Variants in KLHL29 observed in about 807,000 individuals in gnomAD.
KLHL29 encodes the protein kelch-like protein 29.
KLHL29 carries 21 observed loss-of-function variants against 80.4 expected under a neutral mutation model. The observed-to-expected ratio is 0.26, with a 90% CI of 0.19 to 0.38. KLHL29 has a LOEUF of 0.38. Among genes scored for constraint, KLHL29 ranks in the 10% least tolerant of loss-of-function variants. KLHL29 has a pLI of 1.00. For synonymous variants in KLHL29, 511 were observed against 526.8 expected (o/e 0.97, Z 0.41); for missense variants, 867 against 1,223.9 (o/e 0.71, Z 4.35).
At chr2:23,672,474 G>A (rs1670793200) in intron 5 of KLHL29, 1 of 152,462 alleles carries the variant, frequency 6.6e-6, no homozygotes, top group Non-Finnish European at 1.5e-5. Context: ...CCCCTCATAT[G>A]TGTCTGGTTC....
intron 3 of KLHL29, among the ~76,000 whole-genome samples, chr2:23,567,059 G>C (rs909276262): frequency 2.6e-5 from 4 of 152,156 alleles, no homozygotes; most frequent in African/African-American, 9.7e-5. Context: ...GGCTGTAAAT[G>C]GTCAGGACCG....
intron 5 of KLHL29, among the ~76,000 whole-genome samples, chr2:23,679,986 G>C (rs1328249365): frequency 2.0e-5 from 3 of 152,230 alleles, no homozygotes; most frequent in Non-Finnish European, 2.9e-5. Context: ...GGGAGTGGAG[G>C]AGGAGCGGAG....
intron 2 of KLHL29, among the ~76,000 whole-genome samples, chr2:23,531,785 C>T (rs1008707846): frequency 1.3e-5 from 2 of 152,178 alleles, no homozygotes; most frequent in African/African-American, 2.4e-5. Flanking sequence ...TGAACATGTC[C>T]TTAAAGGAAA....
intron 3 of KLHL29, among the ~76,000 whole-genome samples, chr2:23,618,555 C>T (rs773230404): frequency 4.6e-5 from 7 of 152,220 alleles, no homozygotes; most frequent in South Asian, 2.1e-4. Flanking sequence ...GGAACTGAAA[C>T]ATCCGCTCTT....
chr2:23,661,657 A>G (rs1403089935), intron 5 of KLHL29, among the ~76,000 whole-genome samples: 2 of 152,246 alleles, frequency 1.3e-5, no homozygotes, highest in Admixed American at 1.3e-4. Flanking sequence ...GTGCCCCCAC[A>G]GTGCCCCTGG....
At chr2:23,548,501 G>A (rs1667039675) in intron 2 of KLHL29, among the ~76,000 whole-genome samples, 1 of 152,204 alleles carries the variant, frequency 6.6e-6, no homozygotes, top group Non-Finnish European at 1.5e-5. Flanking sequence ...TGACCACATG[G>A]CTTGCTTTGG....
At chr2:23,626,236 G>A (rs1019345949) in intron 3 of KLHL29, among the ~76,000 whole-genome samples, 1 of 152,286 alleles carries the variant, frequency 6.6e-6, no homozygotes, top group Admixed American at 6.5e-5. Flanking sequence ...ATCTCATGCC[G>A]CCACTGATCT....
chr2:23,431,615 G>A (rs956726520), intron 1 of KLHL29, among the ~76,000 whole-genome samples: 5 of 152,066 alleles, frequency 3.3e-5, no homozygotes, highest in African/African-American at 2.4e-5. Flanking sequence ...AGTGAAGGCC[G>A]GGCGCGGTGG....
At chr2:23,605,482 C>T (rs1668687475) in intron 3 of KLHL29, among the ~76,000 whole-genome samples, 1 of 152,138 alleles carries the variant, frequency 6.6e-6, no homozygotes, top group Non-Finnish European at 1.5e-5. Flanking sequence ...AGGCCTTCCA[C>T]AGAACACAGC....
At chr2:23,588,091 G>T (rs1183394948) in intron 3 of KLHL29, among the ~76,000 whole-genome samples, 1 of 152,202 alleles carries the variant, frequency 6.6e-6, no homozygotes, top group East Asian at 1.9e-4. Flanking sequence ...TGGATGACCT[G>T]GTCCCCGCCA....
intron 2 of KLHL29, among the ~76,000 whole-genome samples, chr2:23,514,432 G>C (rs1653775): frequency 0.48 from 72,552 of 152,028 alleles, 18,254 homozygotes; most frequent in Non-Finnish European, 0.56. Context: ...GGCCCCACAG[G>C]AGGCTGGGCT....
intron 1 of KLHL29, among the ~76,000 whole-genome samples, chr2:23,436,374 A>T (rs1663344094): frequency 6.7e-6 from 1 of 149,880 alleles, no homozygotes; most frequent in Non-Finnish European, 1.5e-5. Context: ...CAAAAGCTGG[A>T]GTTGCAAAGC....
chr2:23,536,216 C>T (rs1054064326), intron 2 of KLHL29, among the ~76,000 whole-genome samples: 5 of 152,168 alleles, frequency 3.3e-5, no homozygotes, highest in Non-Finnish European at 5.9e-5. Context: ...CTGACTCTCT[C>T]GGGCAACGTG....
rs79342605 is a variant in KLHL29 at position 23,652,146 on chromosome 2, G to A, written c.940+9296G>A. Among the ~76,000 whole-genome samples, 1,031 of 152,250 alleles carry A rather than the reference G, an allele frequency of 6.8e-3. 11 individuals carry two copies. The highest frequency in any genetic ancestry group is 0.024 in the African/African-American group (993 of 41,540). ...TACCTGTGGGTGTTTTCAGTGATTCGCTTGAACATTTTCATAAATGCACTT... is the reference window on the plus strand; with the variant it reads ...TACCTGTGGGTGTTTTCAGTGATTCACTTGAACATTTTCATAAATGCACTT... On this transcript the variant is annotated intron_variant, in intron 5 of 13. Transcript: ENST00000486442.
intron 2 of KLHL29, among the ~76,000 whole-genome samples, chr2:23,487,446 C>G (rs768745509): frequency 2.6e-5 from 4 of 152,172 alleles, no homozygotes; most frequent in Admixed American, 2.0e-4. Context: ...GGCTATACCC[C>G]CTGGAAGTAC....
chr2:23,567,478 C>T (rs1392192998), intron 3 of KLHL29, among the ~76,000 whole-genome samples: 1 of 152,212 alleles, frequency 6.6e-6, no homozygotes, highest in East Asian at 1.9e-4. Context: ...ACACTCAAAA[C>T]ACCCGGGTTT....
At chr2:23,602,626 T>G (rs1668600381) in intron 3 of KLHL29, among the ~76,000 whole-genome samples, 1 of 151,772 alleles carries the variant, frequency 6.6e-6, no homozygotes, top group African/African-American at 2.4e-5. Context: ...TTTTTTTTTT[T>G]TTTTTTTTAA....
At position 23,693,538 on chromosome 2, in the gene KLHL29, G is replaced by C. The variant is rs750262260; in HGVS notation, c.1542+10G>C. 2.1e-5 allele frequency: 32 copies of C among 1,542,718 alleles called. 1 individual carries two copies. In the South Asian group the frequency reaches 3.7e-4, roughly 18 times the overall value. On this transcript the variant is annotated intron_variant, in intron 8 of 13. Transcript: ENST00000486442. ...CGCGACACGCACACAGGTGGGGCCT[G>C]CCCTGTCCCCCGCCCCTTCTCTCTG...
intron 3 of KLHL29, among the ~76,000 whole-genome samples, chr2:23,610,033 C>A (rs1668820696): frequency 6.6e-6 from 1 of 152,142 alleles, no homozygotes; most frequent in African/African-American, 2.4e-5. Flanking sequence ...GTGACACATA[C>A]CCCTGACAGT....
Sources: gnomAD v4.1 joint callset for allele counts (sites outside exome capture counted in the v4.1 genomes callset) on GRCh38, gnomAD v4.1.1 for gene constraint, MANE v1.5 for transcripts, NCBI Gene and HGNC (gene_info 2026-07-23, HGNC 2026-07-21) for gene names.